TRRAP: variants seen among roughly 807,000 people sequenced by gnomAD.
The protein encoded by TRRAP is transformation/transcription domain associated protein.
In TRRAP, 41 loss-of-function variants were observed where a neutral mutation model predicts 438.8. The observed-to-expected ratio is 0.09, with a 90% CI of 0.07 to 0.12. The LOEUF (loss-of-function observed/expected upper bound fraction) is 0.12, where lower values mean the gene tolerates loss of function less well. TRRAP is among the 10% of genes least tolerant of loss of function. The probability of loss-of-function intolerance (pLI) is 1.00; values close to 1 mark genes in which losing one functional copy is unlikely to be tolerated. For missense variants in TRRAP, 3,122 were observed against 5,055.1 expected, an observed-to-expected ratio of 0.62 and a Z score of 11.60; for synonymous variants, 1,994 against 1,962.9, an observed-to-expected ratio of 1.02 and a Z score of -0.42.
intron 8 of TRRAP, among the ~76,000 whole-genome samples, chr7:98,898,340 G>A (rs1482404713): frequency 6.6e-6 from 1 of 152,166 alleles, no homozygotes; most frequent in Non-Finnish European, 1.5e-5. Flanking sequence ...TGAAAAACCT[G>A]TCTCACGGAC....
In TRRAP at chr7:98,987,507, C is replaced by T. The variant is rs1793203935; in HGVS notation, c.9390-1258C>T. ...TCATTTTCACATTGCTCATTGCTAA[C>T]ATTTGGAAATACCAGGGTTTTGTAT... On this transcript the variant is annotated intron_variant, in intron 62 of 72. Coordinates refer to ENST00000456197, the MANE Select transcript of TRRAP (RefSeq NM_001375524.1). Among the ~76,000 whole-genome samples, 3 of 152,196 alleles carry T rather than the reference C, an allele frequency of 2.0e-5. No homozygotes were observed. In the South Asian group the frequency reaches 6.2e-4, roughly 31 times the overall value.
At chr7:98,907,517 T>A (rs936729485) in intron 13 of TRRAP, among the ~76,000 whole-genome samples, 2 of 152,238 alleles carry the variant, frequency 1.3e-5, no homozygotes, top group Non-Finnish European at 2.9e-5. Context: ...ATAGACAATG[T>A]TATAAAATAT....
Position 98,912,039 on chromosome 7 carries a change from C to T in TRRAP, c.2025C>T (p.Phe675=), listed in dbSNP as rs908209871. Residue 675 remains phenylalanine, a synonymous_variant, in exon 18 of 73, where the codon TTC becomes TTT. Transcript: ENST00000456197. ...ATTGACAGATTGTTGCCAATTCCTT[C>T]TTGGCAAATCCTACTACCTCTGCTC... ...NYALQIVANS[F]LANPTTSALF... 3.1e-6 allele frequency: 5 copies of T among 1,612,556 alleles called. No individual in the cohort carries two copies. The African/African-American group carries it at 5.3e-5, about 17-fold the overall frequency.
chr7:98,891,659 C>T (rs1025774727), intron 4 of TRRAP, among the ~76,000 whole-genome samples: 4 of 151,778 alleles, frequency 2.6e-5, no homozygotes, highest in East Asian at 1.9e-4. Context: ...CCTCAGCCTC[C>T]CGAGTAGCTG....
In TRRAP at chr7:98,976,021, T is replaced by A; in HGVS notation, c.7840-128T>A. The A allele has an allele frequency of 8.1e-7, 1 of 1,229,624 alleles. No homozygotes were observed. The allele number at this position is 1,229,624 out of a possible 1,614,324, so 76.2% of individuals were successfully genotyped here. A position where few individuals can be genotyped will look rare whatever the true frequency, so the allele number is the denominator to read the frequency against. On this transcript the variant is annotated intron_variant, in intron 53 of 72. Coordinates refer to ENST00000456197, the MANE Select transcript of TRRAP (RefSeq NM_001375524.1). The surrounding 1 kb of genome is among the most constrained non-coding windows in gnomAD (Gnocchi z 4.6). The stretch of plus-strand genomic sequence containing the variant: ...TACTCTAACATGGCATTTTCTCAGA[T>A]CTTTGAAACTTTGAAAGTGGAGGAG...
chr7:98,913,183 G>C lies in TRRAP; in HGVS notation c.2199+970G>C, dbSNP rs1420923873. Among the ~76,000 whole-genome samples, 6 of 152,124 alleles carry C rather than the reference G, an allele frequency of 3.9e-5. No homozygotes were observed. The East Asian group carries it at 1.2e-3, about 29-fold the overall frequency. On this transcript the variant is annotated intron_variant, in intron 18 of 72. Coordinates refer to ENST00000456197, the MANE Select transcript of TRRAP (RefSeq NM_001375524.1). ...CGCATGTTTGCTACTTGCAGTCTTG[G>C]GGTCTGTTGCAACTGAAATCAACTC...
chr7:98,952,227 T>A (rs1791373416), intron 39 of TRRAP, among the ~76,000 whole-genome samples: 1 of 152,214 alleles, frequency 6.6e-6, no homozygotes, highest in Admixed American at 6.5e-5. Flanking sequence ...AGAATATTCC[T>A]CAAAGAAGGC....
chr7:98,890,123 A>G (rs1306242703), intron 3 of TRRAP, among the ~76,000 whole-genome samples: 3 of 152,204 alleles, frequency 2.0e-5, no homozygotes, highest in African/African-American at 7.2e-5. Flanking sequence ...TCTAATTTTA[A>G]TAGGAAAAGT....
At chr7:98,895,684 A>G (rs1257611701) in intron 6 of TRRAP, 80 bp from the exon 7 acceptor site, 7 of 1,265,282 alleles carry the variant, frequency 5.5e-6, no homozygotes, top group East Asian at 2.5e-5. Context: ...GTAGTAAGAC[A>G]ATTACAACTT....
chr7:98,927,103 T>G, intron 22 of TRRAP, 64 bp from the exon 23 acceptor site: 1 of 1,571,856 alleles, frequency 6.4e-7, no homozygotes, highest in Non-Finnish European at 8.7e-7. Flanking sequence ...TGAAAAGAAG[T>G]CCTAGTGGAG....
rs1168332365 is a variant in TRRAP at position 98,949,901 on chromosome 7, A to G, written c.5135+60A>G. 6 of 1,582,284 alleles carry G rather than the reference A, an allele frequency of 3.8e-6. No individual in the cohort carries two copies. The African/African-American group carries it at 6.7e-5, about 18-fold the overall frequency. ...GGCTCTGTCCCAAAAGCTCAGCCAG[A>G]GCCTCCTTCTACTCTGTACAAGGCT... On this transcript the variant is annotated intron_variant, in intron 37 of 72. Coordinates refer to ENST00000456197, the MANE Select transcript of TRRAP (RefSeq NM_001375524.1).
intron 39 of TRRAP, among the ~76,000 whole-genome samples, chr7:98,951,701 C>A (rs1554418285): frequency 6.6e-6 from 1 of 152,220 alleles, no homozygotes; most frequent in East Asian, 1.9e-4. Flanking sequence ...GTCCTGAGAT[C>A]AAGGCAGAGG....
Position 98,910,297 on chromosome 7 carries a change from G to A in TRRAP, c.1592G>A (p.Gly531Glu). ...PAPVPPFEKQ[G>E]EKDKEDKQTF... Reference sequence around the variant, plus strand: ...CCCGTGCCTCCCTTCGAGAAGCAAGGAGAAAAGGACAAGGAAGACAAGCAG... The same window carrying A: ...CCCGTGCCTCCCTTCGAGAAGCAAGAAGAAAAGGACAAGGAAGACAAGCAG... The change falls in exon 15 of 73, where the codon GGA becomes GAA. Residue 531 changes from glycine to glutamate, a missense_variant. Physicochemically the swap from Gly to Glu is moderately conservative, Grantham distance 98. Coordinates refer to ENST00000456197, the MANE Select transcript of TRRAP (RefSeq NM_001375524.1). The A allele has an allele frequency of 1.2e-6, 2 of 1,605,766 alleles. No individual in the cohort carries two copies. The highest frequency in any genetic ancestry group is 1.7e-6 in the Non-Finnish European group (2 of 1,179,454).
At position 98,948,307 on chromosome 7, in the gene TRRAP, T is replaced by C. The variant is rs369787376; in HGVS notation, c.4635T>C (p.Val1545=). The C allele has an allele frequency of 1.2e-6, 2 of 1,614,230 alleles. No homozygotes were observed. Among genetic ancestry groups the C allele is most frequent in the Non-Finnish European group, 1.7e-6 (2 of 1,180,042 alleles). The part of the protein sequence containing the change: ...PQTLVKPLLE[V]VMKTERAMLI... ...CACTGGTGAAGCCTTTGCTAGAGGT[T>C]GTCATGAAAACGGAGCGGGCGATGC... The change falls in exon 34 of 73, where the codon GTT becomes GTC. Residue 1545 remains valine (V), a synonymous_variant. Transcript: ENST00000456197. The surrounding 1 kb of genome is among the most constrained non-coding windows in gnomAD (Gnocchi z 4.9).
intron 3 of TRRAP, among the ~76,000 whole-genome samples, chr7:98,885,818 A>AC (rs1298436532): frequency 2.0e-5 from 3 of 152,220 alleles, no homozygotes; most frequent in African/African-American, 7.2e-5. Context: ...CTGCAGGAAC[A>AC]AGCCAGTGAG....
rs112334410 is a variant in TRRAP, at chr7:98,936,606, C to T, written c.4112-550C>T. Among the ~76,000 whole-genome samples, 1,244 of 152,300 alleles carry T rather than the reference C, an allele frequency of 8.2e-3. 10 individuals are homozygous for T. Among genetic ancestry groups the T allele is most frequent in the African/African-American group, 0.026 (1,077 of 41,550 alleles). Reference sequence around the variant, plus strand: ...GAAAGGCTGGGCTGTGTGTGTCTGTCCCCTGCATTGCCTGTCACTGGAGGA... The same window carrying T: ...GAAAGGCTGGGCTGTGTGTGTCTGTTCCCTGCATTGCCTGTCACTGGAGGA... On this transcript the variant is annotated intron_variant, in intron 28 of 72. Coordinates refer to ENST00000456197, the MANE Select transcript of TRRAP (RefSeq NM_001375524.1).
intron 19 of TRRAP, among the ~76,000 whole-genome samples, chr7:98,916,661 C>T (rs1350561393): frequency 6.6e-6 from 1 of 152,188 alleles, no homozygotes; most frequent in African/African-American, 2.4e-5. Flanking sequence ...TCTAGTTAAT[C>T]CCTGCTGGAG....
In TRRAP at chr7:98,967,155, G is replaced by T. The variant is rs1178311161; in HGVS notation, c.7291G>T (p.Val2431Phe). The change falls in exon 50 of 73, where the codon GTC becomes TTC. Residue 2431 changes from valine (V) to phenylalanine (F), a missense_variant. Coordinates refer to ENST00000456197, the MANE Select transcript of TRRAP (RefSeq NM_001375524.1). ...NAQFLDLVNYVYRDETLSGSE... is the reference protein window; with the variant it reads ...NAQFLDLVNYFYRDETLSGSE... Reference sequence around the variant, plus strand: ...CCAGTTTTTAGATCTTGTTAACTATGTCTACAGGTAATTACAGCAATTAAT... The same window carrying T: ...CCAGTTTTTAGATCTTGTTAACTATTTCTACAGGTAATTACAGCAATTAAT... 1 of 1,613,224 alleles carries T rather than the reference G, an allele frequency of 6.2e-7. No homozygotes were observed. Among genetic ancestry groups the T allele is most frequent in the Non-Finnish European group, 8.5e-7 (1 of 1,179,784 alleles).
intron 30 of TRRAP, among the ~76,000 whole-genome samples, chr7:98,941,729 G>C (rs1427629427): frequency 6.6e-6 from 1 of 152,120 alleles, no homozygotes; most frequent in Non-Finnish European, 1.5e-5. Flanking sequence ...TTGAAGAAAT[G>C]TGTATTATTG....
Sources: gnomAD v4.1 joint callset for allele counts (sites outside exome capture counted in the v4.1 genomes callset) on GRCh38, gnomAD v4.1.1 for gene constraint, Gnocchi (gnomAD v3.1) non-coding constraint, MANE v1.5 for transcripts, NCBI Gene and HGNC (gene_info 2026-07-23, HGNC 2026-07-21) for gene names.